The following CELF2 variants were observed in gnomAD, a reference collection of about 807,000 sequenced individuals.
CELF2 encodes the protein CUGBP Elav-like family member 2, also known as CUG triplet repeat RNA-binding protein 2.
Under a neutral mutation model 62.6 loss-of-function variants are expected in CELF2, and 8 were observed. The ratio of observed to expected loss-of-function variants is 0.13; its 90% CI spans 0.07 to 0.23. The LOEUF is 0.23. Ranked by LOEUF, CELF2 falls within the 10% of genes least tolerant of loss-of-function variation. CELF2 has a pLI of 1.00. For synonymous variants in CELF2, 258 were observed against 250.0 expected (o/e 1.03, Z -0.30); for missense variants, 333 against 671.0 (o/e 0.50, Z 5.56).
the CELF2 span, among the ~76,000 whole-genome samples, chr10:10,763,680 C>A: frequency 6.6e-6 from 1 of 152,134 alleles, no homozygotes; most frequent in African/African-American, 2.4e-5. Flanking sequence ...GAGGCACGAA[C>A]GCGGGAACAG....
At chr10:11,128,160 TTGTCAGGTTTG>T (rs754946426) in intron 1 of CELF2, among the ~76,000 whole-genome samples, 1 of 152,228 alleles carries the variant, frequency 6.6e-6, no homozygotes, top group Non-Finnish European at 1.5e-5. Context: ...TTGCTTGTTT[TTGTCAGGTTTG>T]TCAAAGATCA....
At chr10:10,833,855 C>T (rs890307476) in intron 1 of CELF2, among the ~76,000 whole-genome samples, 10 of 152,212 alleles carry the variant, frequency 6.6e-5, no homozygotes, top group Non-Finnish European at 1.3e-4. Flanking sequence ...TGTCCATACC[C>T]TGTTGGTGGA....
chr10:10,730,666 T>C, the CELF2 span, among the ~76,000 whole-genome samples: 12 of 152,180 alleles, frequency 7.9e-5, no homozygotes, highest in African/African-American at 2.9e-4. Context: ...GTTCAGAAAC[T>C]AATTCTGCCT....
chr10:11,171,372 C>T (rs746141792), intron 2 of CELF2: 1 of 152,212 alleles, frequency 6.6e-6, no homozygotes, highest in Non-Finnish European at 1.5e-5. Context: ...GACTGATCTT[C>T]GAATAGGATG....
rs1378294028 is a variant in CELF2 at position 11,078,744 on chromosome 10, A to G, written c.74+60581A>G. Among the ~76,000 whole-genome samples the G allele has an allele frequency of 3.9e-5, 6 of 152,360 alleles. No homozygotes were observed. The East Asian group carries it at 1.2e-3, about 29-fold the overall frequency. ...AAATATAAAAGAATCGGAGGCTGCC[A>G]GTCTGTATTCTCTTACCTATTACAT... is the stretch of plus-strand genomic sequence containing the variant. On this transcript the variant is annotated intron_variant, in intron 1 of 12. Transcript: ENST00000633077.
intron 1 of CELF2, among the ~76,000 whole-genome samples, chr10:11,027,166 A>C (rs891297822): frequency 6.6e-6 from 1 of 152,180 alleles, no homozygotes; most frequent in South Asian, 2.1e-4. Context: ...ATCCTTTGAG[A>C]AGCCTGAATG....
At chr10:11,152,531 C>A (rs1025386169) in intron 1 of CELF2, among the ~76,000 whole-genome samples, 28 of 152,206 alleles carry the variant, frequency 1.8e-4, no homozygotes, top group African/African-American at 4.8e-4. Flanking sequence ...ACAAAATTAT[C>A]CTTTTAACTT....
intron 9 of CELF2, among the ~76,000 whole-genome samples, chr10:11,310,313 T>C (rs1393444650): frequency 6.6e-6 from 1 of 152,120 alleles, no homozygotes; most frequent in Non-Finnish European, 1.5e-5. Context: ...TTCTTGGCCA[T>C]ACCTGCCCAG....
At chr10:10,916,248 A>G (rs1469001566) in intron 1 of CELF2, among the ~76,000 whole-genome samples, 1 of 152,238 alleles carries the variant, frequency 6.6e-6, no homozygotes, top group Non-Finnish European at 1.5e-5. Context: ...GGTCTCAAAA[A>G]TGGTGACTGG....
At chr10:11,151,620 CCAGAGAGCCACCTGGCCA>C (rs1469062712) in intron 1 of CELF2, among the ~76,000 whole-genome samples, 1 of 152,038 alleles carries the variant, frequency 6.6e-6, no homozygotes, top group Non-Finnish European at 1.5e-5. Flanking sequence ...ACCTGTGGCT[CCAGAGAGCCACCTGGCCA>C]CAGAGAGCAA....
chr10:10,782,184 A>G, the CELF2 span, among the ~76,000 whole-genome samples: 4 of 152,336 alleles, frequency 2.6e-5, no homozygotes, highest in South Asian at 8.3e-4. Context: ...GAAATTTATT[A>G]TGAGAAATTG....
intron 1 of CELF2, among the ~76,000 whole-genome samples, chr10:11,068,350 T>C (rs2068718105): frequency 6.6e-6 from 1 of 152,084 alleles, no homozygotes; most frequent in Non-Finnish European, 1.5e-5. Context: ...ATCCAGAAAA[T>C]CTTCCCTGAA....
the CELF2 span, among the ~76,000 whole-genome samples, chr10:10,716,514 G>A: frequency 9.9e-3 from 1,505 of 152,296 alleles, 24 homozygotes; most frequent in African/African-American, 0.034. Context: ...GTACTCCAGC[G>A]TGGGTGATAA....
chr10:10,611,530 T>C, the CELF2 span, among the ~76,000 whole-genome samples: 1 of 152,210 alleles, frequency 6.6e-6, no homozygotes, highest in Admixed American at 6.5e-5. Context: ...TAATATGCCA[T>C]ATTTGTAACA....
chr10:10,642,454 T>A, the CELF2 span, among the ~76,000 whole-genome samples: 1 of 152,210 alleles, frequency 6.6e-6, no homozygotes, highest in African/African-American at 2.4e-5. Context: ...GAGGAGGTTG[T>A]CTTTTTAGCA....
intron 1 of CELF2, among the ~76,000 whole-genome samples, chr10:10,901,866 C>T (rs113274066): frequency 2.1e-3 from 312 of 152,178 alleles, no homozygotes; most frequent in Non-Finnish European, 3.6e-3. Flanking sequence ...AAAGAATCCC[C>T]AACAATTCAA....
chr10:11,202,937 C>G (rs867858902), intron 2 of CELF2, among the ~76,000 whole-genome samples: 1 of 84,342 alleles, frequency 1.2e-5, no homozygotes, highest in African/African-American at 5.1e-5. Flanking sequence ...CTCTCTCTCT[C>G]TCTCTCTCTC....
intron 1 of CELF2, among the ~76,000 whole-genome samples, chr10:11,158,443 C>G (rs61832285): frequency 0.031 from 4,675 of 152,152 alleles, 107 homozygotes; most frequent in Non-Finnish European, 0.048. Flanking sequence ...GAACACCTAC[C>G]TCTCCCTGTG....
At chr10:10,782,820 C>A in the CELF2 span, among the ~76,000 whole-genome samples, 1 of 152,182 alleles carries the variant, frequency 6.6e-6, no homozygotes, top group African/African-American at 2.4e-5. Context: ...ATCGTGCCCC[C>A]TGGTCTGTGA....
Sources: gnomAD v4.1 joint callset for allele counts (sites outside exome capture counted in the v4.1 genomes callset) on GRCh38, gnomAD v4.1.1 for gene constraint, MANE v1.5 for transcripts, NCBI Gene and HGNC (gene_info 2026-07-23, HGNC 2026-07-21) for gene names.